CDC16: variants seen among roughly 807,000 people sequenced by gnomAD.
The protein encoded by CDC16 is cell division cycle 16.
In CDC16, 34 loss-of-function variants were observed where a neutral mutation model predicts 87.0. The observed-to-expected ratio is 0.39, with a 90% CI of 0.30 to 0.52. The LOEUF is 0.52. Among genes scored for constraint, CDC16 ranks in the 20% least tolerant of loss-of-function variants. The pLI, the probability that CDC16 is intolerant of heterozygous loss-of-function variation, is 0.74. For missense variants in CDC16, 653 were observed against 751.9 expected, an observed-to-expected ratio of 0.87 and a Z score of 1.54; for synonymous variants, 263 against 260.6, an observed-to-expected ratio of 1.01 and a Z score of -0.09.
chr13:114,235,225 G>C lies in CDC16; in HGVS notation c.48+93G>C, dbSNP rs971147820. 28 of 898,840 alleles carry C rather than the reference G, an allele frequency of 3.1e-5. No individual in the cohort carries two copies. In the East Asian group the frequency reaches 8.0e-4, roughly 26 times the overall value. The allele number at this position is 898,840 out of a possible 1,614,324, so 55.7% of individuals were successfully genotyped here. ...TGGGGTGACTGTTGTCGGGGCTCTT[G>C]GTGGGGAAGGACTGGGCCGGCCCTG... is the stretch of plus-strand genomic sequence containing the variant. On this transcript the variant is annotated intron_variant, in intron 1 of 17. Coordinates refer to ENST00000356221, the MANE Select transcript of CDC16 (RefSeq NM_001078645.3).
At chr13:114,239,296 G>A (rs2138865966) in intron 4 of CDC16, 54 bp from the exon 5 acceptor site, 5 of 1,554,682 alleles carry the variant, frequency 3.2e-6, no homozygotes, top group Non-Finnish European at 4.4e-6. Flanking sequence ...TTCGGATCAT[G>A]TGTTTCGTGT....
intron 17 of CDC16, among the ~76,000 whole-genome samples, chr13:114,268,774 C>A (rs2083411240): frequency 6.6e-6 from 1 of 152,160 alleles, no homozygotes; most frequent in Non-Finnish European, 1.5e-5. Flanking sequence ...GATCACGCCA[C>A]TGCACTCCAG....
At chr13:114,264,116 A>G (rs1453525412) in intron 16 of CDC16, 1 of 152,240 alleles carries the variant, frequency 6.6e-6, no homozygotes, top group Non-Finnish European at 1.5e-5. Flanking sequence ...AGATGAAGTC[A>G]TGAAGGTACC....
chr13:114,235,961 T>C (rs2081228609), intron 1 of CDC16, among the ~76,000 whole-genome samples: 1 of 152,230 alleles, frequency 6.6e-6, no homozygotes, highest in Non-Finnish European at 1.5e-5. Context: ...ACTATCCCGT[T>C]GGCATTCCTC....
chr13:114,249,791 A>C (rs962776296), intron 11 of CDC16, among the ~76,000 whole-genome samples: 3 of 152,160 alleles, frequency 2.0e-5, no homozygotes, highest in African/African-American at 7.2e-5. Flanking sequence ...TACAAAATGG[A>C]GCTCCTGGAT....
At chr13:114,255,153 T>C (rs1171248138) in intron 12 of CDC16, among the ~76,000 whole-genome samples, 3 of 152,250 alleles carry the variant, frequency 2.0e-5, no homozygotes, top group Non-Finnish European at 4.4e-5. Context: ...CTCCCTTTAG[T>C]ATTTCTTACT....
chr13:114,245,090 C>T (rs2081786807), intron 9 of CDC16, 121 bp downstream of exon 9: 1 of 551,108 alleles, frequency 1.8e-6, no homozygotes, highest in South Asian at 2.6e-5. Flanking sequence ...TAATGGAACC[C>T]TACTATAAAA....
In CDC16 at chr13:114,237,473, G is replaced by C. The variant is rs1350922215; in HGVS notation, c.201+577G>C. On this transcript the variant is annotated intron_variant, in intron 3 of 17. Coordinates refer to ENST00000356221, the MANE Select transcript of CDC16 (RefSeq NM_001078645.3). ...CCCAGCTAATTTTTAAATTTTTTTG[G>C]TAGAGACAGAGCCTCACTATGTTGC... Among the ~76,000 whole-genome samples, 3 of 151,852 alleles carry C rather than the reference G, an allele frequency of 2.0e-5. No homozygotes were observed. The East Asian group carries it at 5.8e-4, about 29-fold the overall frequency.
intron 13 of CDC16, among the ~76,000 whole-genome samples, chr13:114,258,028 G>A (rs1174825591): frequency 1.3e-5 from 2 of 151,952 alleles, no homozygotes; most frequent in South Asian, 2.1e-4. Flanking sequence ...CTGGTGATCC[G>A]CCTGCCTCAG....
At chr13:114,241,398 G>C (rs1235166025) in intron 5 of CDC16, among the ~76,000 whole-genome samples, 1 of 152,228 alleles carries the variant, frequency 6.6e-6, no homozygotes, top group African/African-American at 2.4e-5. Flanking sequence ...TGTGCTGACT[G>C]CTGTGACCAC....
chr13:114,237,498 C>G (rs1165740024), intron 3 of CDC16, among the ~76,000 whole-genome samples: 1 of 152,022 alleles, frequency 6.6e-6, no homozygotes, highest in African/African-American at 2.4e-5. Flanking sequence ...CACTATGTTG[C>G]CCAGGCTAGT....
chr13:114,238,295 G>A (rs1231179141), intron 3 of CDC16, among the ~76,000 whole-genome samples: 1 of 147,244 alleles, frequency 6.8e-6, no homozygotes, highest in Non-Finnish European at 1.5e-5. Flanking sequence ...GAGCTCCTCG[G>A]ACGCCCAGCA....
rs1362746610 is a variant in CDC16 at position 114,257,079 on chromosome 13, T to C, written c.1099T>C (p.Cys367Arg). The C allele has an allele frequency of 6.5e-7, 1 of 1,527,132 alleles. No homozygotes were observed. Among genetic ancestry groups the C allele is most frequent in the Non-Finnish European group, 8.9e-7 (1 of 1,126,910 alleles). The allele number at this position is 1,527,132 out of a possible 1,614,324, so 94.6% of individuals were successfully genotyped here. A position where few individuals can be genotyped will look rare whatever the true frequency, so the allele number is the denominator to read the frequency against. ...ATGTGAAATTTTCCAATTTTTTAGG[T>C]GTCATTTGCCTATGCTGTATATTGG... ...YFTAAQLMKGCHLPMLYIGLE... is the reference protein window; with the variant it reads ...YFTAAQLMKGRHLPMLYIGLE... The change falls in exon 13 of 18, where the codon TGT (cysteine) becomes CGT (arginine). Residue 367 changes from cysteine to arginine, a missense_variant and splice_region_variant. Physicochemically the swap from Cys to Arg is radical, Grantham distance 180. Transcript: ENST00000356221.
In CDC16 at chr13:114,250,621, T is replaced by C; in HGVS notation, c.1044T>C (p.Ser348=). 5 of 1,613,620 alleles carry C rather than the reference T, an allele frequency of 3.1e-6. No homozygotes were observed. The highest frequency in any genetic ancestry group is 4.2e-6 in the Non-Finnish European group (5 of 1,179,886). ...ATGGACATTCATTTGCGGTGGAGAG[T>C]GAGCACGACCAAGCGATGGCTGCTT... The part of the protein sequence containing the change: ...IAYGHSFAVE[S]EHDQAMAAYF... Residue 348 remains serine (S), a synonymous_variant, in exon 12 of 18, where the codon AGT becomes AGC. Transcript: ENST00000356221.
intron 16 of CDC16, among the ~76,000 whole-genome samples, chr13:114,264,470 G>T (rs1368662611): frequency 4.6e-5 from 7 of 152,016 alleles, no homozygotes; most frequent in Non-Finnish European, 1.0e-4. Flanking sequence ...TGAGGTAGGA[G>T]ACTTGCTTGA....
intron 1 of CDC16, among the ~76,000 whole-genome samples, 175 bp downstream of exon 1, chr13:114,235,307 C>T (rs1169796238): frequency 6.6e-6 from 1 of 152,124 alleles, no homozygotes; most frequent in Non-Finnish European, 1.5e-5. Flanking sequence ...GGAGCGGTCC[C>T]TGCAGCTGGG....
Position 114,239,397 on chromosome 13 carries a change from A to T in CDC16, c.288A>T (p.Glu96Asp). 1 of 1,613,028 alleles carries T rather than the reference A, an allele frequency of 6.2e-7. No individual in the cohort carries two copies. Among genetic ancestry groups the T allele is most frequent in the South Asian group, 1.1e-5 (1 of 91,048 alleles). The change falls in exon 5 of 18, where the codon GAA becomes GAT. Residue 96 changes from glutamate to aspartate, a missense_variant. By Grantham distance (45) the Glu-to-Asp change is conservative. Transcript: ENST00000356221. ...HQQALDVLDM[E>D]EPINKRLFEK... ...AGGCCCTTGATGTTCTTGACATGGA[A>T]GAGCCCATCAATAAAAGATTATTTG...
intron 10 of CDC16, 109 bp from the exon 11 acceptor site, chr13:114,246,822 A>G: frequency 1.4e-6 from 1 of 733,030 alleles, no homozygotes; most frequent in South Asian, 1.5e-5. Context: ...TAACTAGAAT[A>G]TGTGATAAGG....
At position 114,268,717 on chromosome 13, in the gene CDC16, G is replaced by A. The variant is rs150667303; in HGVS notation, c.1604-3467G>A. On this transcript the variant is annotated intron_variant, in intron 17 of 17. Coordinates refer to ENST00000356221, the MANE Select transcript of CDC16 (RefSeq NM_001078645.3). ...TGCCTCTAGTGCCAGCTACTCAGGG[G>A]GCTGAGGCAGGAGGATTACTGGAGC... is the stretch of plus-strand genomic sequence containing the variant. Among the ~76,000 whole-genome samples the A allele has an allele frequency of 2.6e-4, 40 of 152,222 alleles. 1 individual carries two copies. Among genetic ancestry groups the A allele is most frequent in the African/African-American group, 9.6e-4 (40 of 41,510 alleles).
Sources: gnomAD v4.1 joint callset for allele counts (sites outside exome capture counted in the v4.1 genomes callset) on GRCh38, gnomAD v4.1.1 for gene constraint, MANE v1.5 for transcripts, NCBI Gene and HGNC (gene_info 2026-07-23, HGNC 2026-07-21) for gene names.